LRCH1: variants seen among roughly 807,000 people sequenced by gnomAD.
LRCH1 encodes the protein leucine rich repeats and calponin homology domain containing 1.
In LRCH1, 23 loss-of-function variants were observed where a neutral mutation model predicts 94.9. The ratio of observed to expected loss-of-function variants is 0.24; its 90% CI spans 0.17 to 0.34. The LOEUF is 0.34. Among genes scored for constraint, LRCH1 ranks in the 10% least tolerant of loss-of-function variants. The pLI, the probability that LRCH1 is intolerant of heterozygous loss-of-function variation, is 1.00. For missense variants in LRCH1, 790 were observed against 945.9 expected (o/e 0.84, Z 2.16); for synonymous variants, 364 against 354.9 (o/e 1.03, Z -0.29).
At chr13:46,619,448 G>GT (rs2050855119) in intron 1 of LRCH1, among the ~76,000 whole-genome samples, 1 of 152,134 alleles carries the variant, frequency 6.6e-6, no homozygotes, top group Admixed American at 6.5e-5. Context: ...TGATTTGTTA[G>GT]TTTAAGAAGG....
intron 2 of LRCH1, among the ~76,000 whole-genome samples, chr13:46,662,716 T>C (rs1226564790): frequency 6.6e-6 from 1 of 152,192 alleles, no homozygotes; most frequent in East Asian, 1.9e-4. Flanking sequence ...TATATATATA[T>C]GAATATTTTA....
chr13:46,686,150 T>A lies in LRCH1; in HGVS notation c.822+109T>A, dbSNP rs111996171. The A allele has an allele frequency of 2.0e-3, 2,247 of 1,131,620 alleles. 27 individuals carry two copies. The African/African-American group carries it at 0.032, about 16-fold the overall frequency. 70.1% of individuals were successfully genotyped at this position (1,131,620 alleles called of 1,614,324 possible). On this transcript the variant is annotated intron_variant, in intron 5 of 19. Coordinates refer to ENST00000389797, the MANE Select transcript of LRCH1 (RefSeq NM_001164211.2). ...AAGTTTGCTGAAAATCACTAATCAC[T>A]GGCAAGCGGCAGATTAATTGGAGAA...
intron 3 of LRCH1, among the ~76,000 whole-genome samples, chr13:46,672,944 C>T (rs1006813204): frequency 9.9e-5 from 15 of 152,200 alleles, no homozygotes; most frequent in Non-Finnish European, 1.5e-4. Context: ...AACACCCTCA[C>T]CCAGCGCAGT....
intron 1 of LRCH1, among the ~76,000 whole-genome samples, chr13:46,590,906 T>C (rs2050492102): frequency 6.6e-6 from 1 of 152,144 alleles, no homozygotes. Flanking sequence ...TTTTCTTTTT[T>C]CTTTTCGATT....
rs1455269725 is a variant in LRCH1 at position 46,742,544 on chromosome 13, G to T, written c.*696G>T. The T allele has an allele frequency of 2.0e-6, 2 of 985,450 alleles. No individual in the cohort carries two copies. Among genetic ancestry groups the T allele is most frequent in the African/African-American group, 1.7e-5 (1 of 57,240 alleles). The allele number at this position is 985,450 out of a possible 1,614,324, so 61.0% of individuals were successfully genotyped here. A position where few individuals can be genotyped will look rare whatever the true frequency, so the allele number is the denominator to read the frequency against. ...GCAGAAGGGCGCTCAAGGGAAGGAA[G>T]TGTCGTTGCTGTTAGAGCCTCACGT... is the stretch of plus-strand genomic sequence containing the variant. On this transcript the variant is annotated 3_prime_UTR_variant, in exon 20 of 20. Transcript: ENST00000389797.
rs57191902 is a variant in LRCH1, at chr13:46,730,697, A to G, written c.2007+1713A>G. On this transcript the variant is annotated intron_variant, in intron 18 of 19. Coordinates refer to ENST00000389797, the MANE Select transcript of LRCH1 (RefSeq NM_001164211.2). ...AATGTGGGACAGTAAATTCTGTTCC[A>G]TGATCCAATATGAAACACTCCAGTA... 2.1e-3 allele frequency among the ~76,000 whole-genome samples: 315 copies of G among 152,350 alleles called. 1 individual carries two copies. Among genetic ancestry groups the G allele is most frequent in the African/African-American group, 7.2e-3 (300 of 41,588 alleles).
chr13:46,650,103 A>G, intron 1 of LRCH1, 98 bp from the exon 2 acceptor site: 1 of 770,766 alleles, frequency 1.3e-6, no homozygotes, highest in South Asian at 2.3e-5. Flanking sequence ...ATGTTGGTCA[A>G]AATGTATAAT....
chr13:46,597,804 C>CA (rs1392115656), intron 1 of LRCH1, among the ~76,000 whole-genome samples: 2 of 49,234 alleles, frequency 4.1e-5, no homozygotes, highest in Non-Finnish European at 7.6e-5. Flanking sequence ...TCAAATAAGC[C>CA]ATTTTTTTTT....
At chr13:46,554,372 G>A (rs943612572) in intron 1 of LRCH1, among the ~76,000 whole-genome samples, 11 of 152,226 alleles carry the variant, frequency 7.2e-5, no homozygotes, top group African/African-American at 2.7e-4. Context: ...GTCGGCTGCC[G>A]CTTCGGAAGC....
Position 46,715,597 on chromosome 13 carries a change from A to G in LRCH1, c.1692A>G (p.Thr564=). 6.5e-7 allele frequency: 1 copy of G among 1,537,020 alleles called. No individual in the cohort carries two copies. Among genetic ancestry groups the G allele is most frequent in the Non-Finnish European group, 8.7e-7 (1 of 1,146,808 alleles). The part of the protein sequence containing the change: ...ALILPPISFN[T]LTQAQTWDSS... The stretch of plus-strand genomic sequence containing the variant: ...TTCTTCCTCCTATCTCCTTCAACAC[A>G]CTTACACAGGCACAGACATGGGACA... The change falls in exon 16 of 20, where the codon ACA becomes ACG. Residue 564 remains threonine (T), a synonymous_variant. Transcript: ENST00000389797.
intron 1 of LRCH1, among the ~76,000 whole-genome samples, chr13:46,578,842 T>C (rs1012872093): frequency 2.6e-5 from 4 of 152,010 alleles, no homozygotes. Flanking sequence ...GTGGCCTTCA[T>C]GCCAGAAAGG....
At chr13:46,585,831 C>T (rs1329963122) in intron 1 of LRCH1, among the ~76,000 whole-genome samples, 4 of 151,070 alleles carry the variant, frequency 2.6e-5, no homozygotes, top group African/African-American at 7.3e-5. Flanking sequence ...AAATCCTTTC[C>T]AGCTGAAGGA....
intron 8 of LRCH1, 91 bp from the exon 9 acceptor site, chr13:46,694,802 T>G: frequency 2.1e-6 from 3 of 1,403,812 alleles, no homozygotes; most frequent in Non-Finnish European, 3.0e-6. Context: ...ACAGAAGACT[T>G]GAAGTGATTA....
At chr13:46,675,799 CTG>C (rs1427146159) in intron 3 of LRCH1, among the ~76,000 whole-genome samples, 1 of 152,150 alleles carries the variant, frequency 6.6e-6, no homozygotes, top group Non-Finnish European at 1.5e-5. Flanking sequence ...GCAAGGCCCT[CTG>C]TGCTTCCATT....
intron 1 of LRCH1, among the ~76,000 whole-genome samples, chr13:46,612,000 T>A (rs2050752889): frequency 6.6e-6 from 1 of 152,254 alleles, no homozygotes; most frequent in Non-Finnish European, 1.5e-5. Flanking sequence ...GCCACTATCA[T>A]TAAAAAACAA....
intron 7 of LRCH1, among the ~76,000 whole-genome samples, chr13:46,690,730 A>G (rs1870852303): frequency 2.0e-5 from 3 of 152,216 alleles, no homozygotes; most frequent in Non-Finnish European, 4.4e-5. Context: ...TCCTTGTCTT[A>G]TATTACAGCC....
At position 46,744,759 on chromosome 13, in the gene LRCH1, T is replaced by C. The variant is rs1175186757; in HGVS notation, c.*2911T>C. The stretch of plus-strand genomic sequence containing the variant: ...TGGGGAAAAAGTAGGGATGATATTT[T>C]AAAATTTTAAGAAACTGAAAGTTGT... On this transcript the variant is annotated 3_prime_UTR_variant, in exon 20 of 20. Transcript: ENST00000389797. 3.3e-5 allele frequency: 33 copies of C among 985,264 alleles called. No individual in the cohort carries two copies. The highest frequency in any genetic ancestry group is 3.9e-5 in the Non-Finnish European group (32 of 829,890). The allele number at this position is 985,264 out of a possible 1,614,324, so 61.0% of individuals were successfully genotyped here. A position where few individuals can be genotyped will look rare whatever the true frequency, so the allele number is the denominator to read the frequency against.
chr13:46,610,948 C>CAGAATAA (rs1475922235), intron 1 of LRCH1, among the ~76,000 whole-genome samples: 40 of 152,302 alleles, frequency 2.6e-4, no homozygotes, highest in African/African-American at 9.6e-4. Flanking sequence ...AGAATAATCA[C>CAGAATAA]TGATCCTCTT....
Position 46,741,799 on chromosome 13 carries a change from T to C in LRCH1, c.2243T>C (p.Phe748Ser). ...LIGFCLVHIL[F>S]IVLVYITYHW... ...GGCTTCTGTCTTGTCCATATTCTCT[T>C]TATAGTGCTGGTCTATATCACTTAC... is the stretch of plus-strand genomic sequence containing the variant. The change falls in exon 20 of 20, where the codon TTT becomes TCT. Residue 748 changes from phenylalanine (F) to serine (S), a missense_variant. By Grantham distance (155) the Phe-to-Ser change is radical. Transcript: ENST00000389797. The C allele has an allele frequency of 6.2e-7, 1 of 1,614,188 alleles. No individual in the cohort carries two copies. Among genetic ancestry groups the C allele is most frequent in the African/African-American group, 1.3e-5 (1 of 75,056 alleles).
Sources: gnomAD v4.1 joint callset for allele counts (sites outside exome capture counted in the v4.1 genomes callset) on GRCh38, gnomAD v4.1.1 for gene constraint, MANE v1.5 for transcripts, NCBI Gene and HGNC (gene_info 2026-07-23, HGNC 2026-07-21) for gene names.